MMRN1: variants seen among roughly 807,000 people sequenced by gnomAD.
MMRN1 encodes multimerin-1.
A neutral mutation model predicts 100.7 loss-of-function variants in MMRN1; 94 were observed. The ratio of observed to expected loss-of-function variants is 0.93; its 90% CI spans 0.79 to 1.11. The LOEUF (loss-of-function observed/expected upper bound fraction) is 1.11, where lower values mean the gene tolerates loss of function less well. Ranked by LOEUF, MMRN1 falls within the 50% of genes least tolerant of loss-of-function variation. The pLI is 0.00. For missense variants in MMRN1, 1,606 were observed against 1,439.1 expected, an observed-to-expected ratio of 1.12 and a Z score of -1.88; for synonymous variants, 575 against 505.0, an observed-to-expected ratio of 1.14 and a Z score of -1.86.
At chr4:89,914,518 A>G (rs1721853338) in intron 3 of MMRN1, among the ~76,000 whole-genome samples, 1 of 151,524 alleles carries the variant, frequency 6.6e-6, no homozygotes, top group Non-Finnish European at 1.5e-5. Flanking sequence ...AAAAATCTAA[A>G]TGAATAGAAC....
chr4:89,885,509 T>C (rs753847627), intron 1 of MMRN1, among the ~76,000 whole-genome samples: 8 of 152,142 alleles, frequency 5.3e-5, no homozygotes, highest in Admixed American at 5.2e-4. Flanking sequence ...TGTTTCTTCT[T>C]CAAATGTTTA....
At position 89,936,585 on chromosome 4, in the gene MMRN1, C is replaced by G. The variant is rs1722649353; in HGVS notation, c.2905C>G (p.Pro969Ala). The G allele has an allele frequency of 3.1e-6, 5 of 1,611,630 alleles. No individual in the cohort carries two copies. In the East Asian group the frequency reaches 1.1e-4, roughly 36 times the overall value. ...GAAAGGTCTAACAGAATTTGTGGAACCAATAATTCAAATAAAAACTCAAGC... is the reference window on the plus strand; with the variant it reads ...GAAAGGTCTAACAGAATTTGTGGAAGCAATAATTCAAATAAAAACTCAAGC... ...LQKGLTEFVE[P>A]IIQIKTQAAL... is the part of the protein sequence containing the mutation. Residue 969 changes from proline (P) to alanine (A), a missense_variant, in exon 6 of 8, where the codon CCA (proline) becomes GCA (alanine). Coordinates refer to ENST00000264790, the MANE Select transcript of MMRN1 (RefSeq NM_007351.3).
intron 5 of MMRN1, among the ~76,000 whole-genome samples, chr4:89,933,556 T>A (rs1560593374): frequency 6.6e-6 from 1 of 152,154 alleles, no homozygotes; most frequent in African/African-American, 2.4e-5. Context: ...TCCACATGGC[T>A]GGGGGAGCTT....
chr4:89,944,729 G>A (rs529114542), intron 6 of MMRN1, among the ~76,000 whole-genome samples: 38 of 152,244 alleles, frequency 2.5e-4, no homozygotes, highest in East Asian at 2.3e-3. Flanking sequence ...TTACTTTTGA[G>A]AAGTTACATT....
intron 1 of MMRN1, among the ~76,000 whole-genome samples, chr4:89,896,155 A>C (rs1355242952): frequency 6.6e-6 from 1 of 152,110 alleles, no homozygotes; most frequent in Non-Finnish European, 1.5e-5. Context: ...CTACAGATTT[A>C]ATACAAGGAA....
intron 6 of MMRN1, chr4:89,951,375 T>C (rs1366505568): frequency 2.7e-6 from 1 of 375,810 alleles, no homozygotes; most frequent in Non-Finnish European, 4.7e-6. Flanking sequence ...CACCAATAAA[T>C]GTAATGGATC....
At chr4:89,890,097 C>T (rs1216035985), upstream of MMRN1, among the ~76,000 whole-genome samples, 1 of 152,078 alleles carries the variant, frequency 6.6e-6, no homozygotes, top group African/African-American at 2.4e-5. Flanking sequence ...TTTCTGGCTC[C>T]TCTGTTGGCC....
intron 1 of MMRN1, among the ~76,000 whole-genome samples, chr4:89,902,813 GCT>G (rs1721435602): frequency 6.6e-6 from 1 of 151,784 alleles, no homozygotes; most frequent in African/African-American, 2.4e-5. Context: ...TTGCATAATT[GCT>G]TTTCAAAAAA....
intron 1 of MMRN1, among the ~76,000 whole-genome samples, chr4:89,907,281 T>C (rs1022806734): frequency 2.0e-5 from 3 of 151,588 alleles, no homozygotes; most frequent in African/African-American, 7.2e-5. Context: ...GTCTTCTTAC[T>C]TCTTTAAGGG....
Position 89,927,894 on chromosome 4 carries a change from T to TAAGGAACACTTACTCCTCCCTAG in MMRN1, c.1062_1084dup (p.Lys362ThrfsTer6), listed in dbSNP as rs1722312441. 6.2e-7 allele frequency: 1 copy of TAAGGAACACTTACTCCTCCCTAG among 1,611,578 alleles called. No individual in the cohort carries two copies. The highest frequency in any genetic ancestry group is 1.7e-5 in the Admixed American group (1 of 59,678). Reference sequence around the variant, plus strand: ...AATATTTCTTTGACTGTGAATGATGTAAGGAACACTTACTCCTCCCTAGAA... The same window carrying TAAGGAACACTTACTCCTCCCTAG: ...AATATTTCTTTGACTGTGAATGATGTAAGGAACACTTACTCCTCCCTAGAAGGAACACTTACTCCTCCCTAGAA... On this transcript the variant is annotated frameshift_variant, in exon 5 of 8. Transcript: ENST00000264790. LOFTEE classifies it high-confidence loss of function.
chr4:89,934,629 C>T (rs1157986732), intron 5 of MMRN1, among the ~76,000 whole-genome samples, 181 bp from the exon 6 acceptor site: 4 of 151,996 alleles, frequency 2.6e-5, no homozygotes, highest in Admixed American at 2.0e-4. Flanking sequence ...ATTTATTATT[C>T]AAGGAATTGA....
chr4:89,910,893 C>T (rs7666981), intron 2 of MMRN1, among the ~76,000 whole-genome samples: 16 of 151,292 alleles, frequency 1.1e-4, no homozygotes, highest in Non-Finnish European at 1.9e-4. Context: ...CACATGTTCA[C>T]GGTTTACCCA....
intron 4 of MMRN1, among the ~76,000 whole-genome samples, chr4:89,925,120 T>G (rs939246411): frequency 6.6e-6 from 1 of 151,636 alleles, no homozygotes; most frequent in Non-Finnish European, 1.5e-5. Flanking sequence ...CATTCTTTCT[T>G]TTGCTATTCT....
chr4:89,947,261 G>A lies in MMRN1; in HGVS notation c.3119-4344G>A, dbSNP rs375290444. Among the ~76,000 whole-genome samples the A allele has an allele frequency of 9.9e-5, 15 of 152,224 alleles. No individual in the cohort carries two copies. The South Asian group carries it at 2.9e-3, about 30-fold the overall frequency. Reference sequence around the variant, plus strand: ...CATGCTACTGCACTCCAGCCTGGACGACAGAGCGAGACTCCATCTCAAAAA... The same window carrying A: ...CATGCTACTGCACTCCAGCCTGGACAACAGAGCGAGACTCCATCTCAAAAA... On this transcript the variant is annotated intron_variant, in intron 6 of 7. Transcript: ENST00000264790.
chr4:89,931,525 G>A (rs1722433359), intron 5 of MMRN1, among the ~76,000 whole-genome samples: 1 of 151,964 alleles, frequency 6.6e-6, no homozygotes, highest in South Asian at 2.1e-4. Context: ...TGATTATTGT[G>A]TTAGTCCATT....
rs958263805 is a variant in MMRN1 at position 89,911,658 on chromosome 4, C to T, written c.744-286C>T. ...AAAATAAATTTTAACATTGATTTAG[C>T]AAGAAGTATTATCAAGAGAAAAGCT... On this transcript the variant is annotated intron_variant, in intron 2 of 7. Coordinates refer to ENST00000264790, the MANE Select transcript of MMRN1 (RefSeq NM_007351.3). Among the ~76,000 whole-genome samples the T allele has an allele frequency of 2.6e-5, 4 of 151,122 alleles. No individual in the cohort carries two copies. The Admixed American group carries it at 2.6e-4, about 10-fold the overall frequency.
At chr4:89,932,044 C>G (rs1722456493) in intron 5 of MMRN1, among the ~76,000 whole-genome samples, 1 of 152,106 alleles carries the variant, frequency 6.6e-6, no homozygotes, top group Non-Finnish European at 1.5e-5. Flanking sequence ...TGTCTATGAA[C>G]CTGTAAAATC....
intron 1 of MMRN1, among the ~76,000 whole-genome samples, chr4:89,885,297 T>C (rs947707224): frequency 6.6e-6 from 1 of 152,116 alleles, no homozygotes; most frequent in Non-Finnish European, 1.5e-5. Context: ...TGTGGGATCA[T>C]GATATATTAG....
intron 1 of MMRN1, among the ~76,000 whole-genome samples, chr4:89,899,706 C>T (rs1443643093): frequency 6.6e-6 from 1 of 152,100 alleles, no homozygotes; most frequent in Non-Finnish European, 1.5e-5. Context: ...CAGTGAATGG[C>T]TAGTTCCATA....
Sources: gnomAD v4.1 joint callset for allele counts (sites outside exome capture counted in the v4.1 genomes callset) on GRCh38, gnomAD v4.1.1 for gene constraint, MANE v1.5 for transcripts, NCBI Gene and HGNC (gene_info 2026-07-23, HGNC 2026-07-21) for gene names.